The following PROSER2 variants were observed in gnomAD, a reference collection of about 807,000 sequenced individuals.
PROSER2 encodes proline and serine rich 2.
In PROSER2, 18 loss-of-function variants were observed where a neutral mutation model predicts 14.6. The observed-to-expected ratio is 1.23, with a 90% CI of 0.85 to 1.83. The LOEUF (loss-of-function observed/expected upper bound fraction) is 1.83. PROSER2 is among the 40% of genes most tolerant of loss of function. The pLI, the probability that PROSER2 is intolerant of heterozygous loss-of-function variation, is 0.00. For missense variants in PROSER2, 823 were observed against 629.8 expected, an observed-to-expected ratio of 1.31 and a Z score of -3.28; for synonymous variants, 367 against 286.4, an observed-to-expected ratio of 1.28 and a Z score of -2.84.
intron 2 of PROSER2, chr10:11,863,050 T>C (rs765732343): frequency 7.9e-5 from 12 of 152,214 alleles, no homozygotes; most frequent in Non-Finnish European, 1.5e-4. Flanking sequence ...CAGGTACGCA[T>C]TGCTTATCTT....
chr10:11,867,519 G>C (rs1474234473), intron 3 of PROSER2, among the ~76,000 whole-genome samples: 1 of 150,300 alleles, frequency 6.7e-6, no homozygotes, highest in African/African-American at 2.5e-5. Flanking sequence ...AGCTGGTCCA[G>C]AGGCTGAGGC....
At position 11,833,994 on chromosome 10, in the gene PROSER2, T is replaced by C. The variant is rs1206256102; in HGVS notation, c.-82+10524T>C. 3.0e-5 allele frequency among the ~76,000 whole-genome samples: 4 copies of C among 131,646 alleles called. No individual in the cohort carries two copies. The South Asian group carries it at 1.1e-3, about 37-fold the overall frequency. 86.4% of individuals were successfully genotyped at this position (131,646 alleles called of 152,430 possible). ...AGTGAGTAGCTCTTTCTTTTTTTTT[T>C]TTTTTTTTTTTTTTTTTTGAGATAG... On this transcript the variant is annotated intron_variant, in intron 1 of 3. Transcript: ENST00000277570.
intron 1 of PROSER2, among the ~76,000 whole-genome samples, chr10:11,829,978 G>C (rs1235211940): frequency 6.6e-6 from 1 of 151,632 alleles, no homozygotes; most frequent in Admixed American, 6.6e-5. Context: ...GGAGTATCTG[G>C]GACTACAGGC....
chr10:11,840,981 T>TG (rs1483766033), intron 1 of PROSER2, among the ~76,000 whole-genome samples: 33 of 114,170 alleles, frequency 2.9e-4, no homozygotes, highest in African/African-American at 8.9e-4. Context: ...TATATATATA[T>TG]ATATATATAT....
In PROSER2 at chr10:11,852,128, G is replaced by A. The variant is rs763922806; in HGVS notation, c.51G>A (p.Thr17=). The part of the protein sequence containing the change: ...KSDASDMNSD[T]SPSCRLRAFS... Reference sequence around the variant, plus strand: ...ACGCATCTGACATGAACTCAGACACGTCCCCCAGCTGCAGGCTCCGAGCCT... The same window carrying A: ...ACGCATCTGACATGAACTCAGACACATCCCCCAGCTGCAGGCTCCGAGCCT... Residue 17 remains threonine, a synonymous_variant, in exon 2 of 4, where the codon ACG becomes ACA. Transcript: ENST00000277570. 25 of 1,613,562 alleles carry A rather than the reference G, an allele frequency of 1.5e-5. No homozygotes were observed. Among genetic ancestry groups the A allele is most frequent in the African/African-American group, 9.3e-5 (7 of 74,888 alleles).
In PROSER2 at chr10:11,830,772, G is replaced by A. The variant is rs1833680015; in HGVS notation, c.-82+7302G>A. Among the ~76,000 whole-genome samples, 2 of 152,202 alleles carry A rather than the reference G, an allele frequency of 1.3e-5. No individual in the cohort carries two copies. The highest frequency in any genetic ancestry group is 1.3e-4 in the Admixed American group (2 of 15,282). Reference sequence around the variant, plus strand: ...TTGGTGGTCCCCATTGCTTAAAAATGTGCTAAAAACCCCTGCTTTCTCTCT... The same window carrying A: ...TTGGTGGTCCCCATTGCTTAAAAATATGCTAAAAACCCCTGCTTTCTCTCT... On this transcript the variant is annotated intron_variant, in intron 1 of 3. Coordinates refer to ENST00000277570, the MANE Select transcript of PROSER2 (RefSeq NM_153256.4). The surrounding 1 kb of genome is among the most constrained non-coding windows in gnomAD (Gnocchi z 4.5).
Position 11,856,724 on chromosome 10 carries a change from C to T in PROSER2, c.138+4509C>T, listed in dbSNP as rs1239163722. 6.6e-6 allele frequency among the ~76,000 whole-genome samples: 1 copy of T among 152,240 alleles called. No individual in the cohort carries two copies. The highest frequency in any genetic ancestry group is 1.5e-5 in the Non-Finnish European group (1 of 68,048). ...ACCAGGCAGCCGGCAGCTCCTGAGC[C>T]ACCCTGTTGCTCCAGAGCACTTGAC... On this transcript the variant is annotated intron_variant, in intron 2 of 3. Coordinates refer to ENST00000277570, the MANE Select transcript of PROSER2 (RefSeq NM_153256.4). This position sits in a 1 kb window ranked among gnomAD's most constrained non-coding sequence, Gnocchi z 5.3.
Position 11,869,631 on chromosome 10 carries a change from C to T in PROSER2, c.533C>T (p.Pro178Leu), listed in dbSNP as rs1016864668. ...PDPPRRELRA[P>L]SPPVEHPRLL... ...CCCCCCAGGAGGGAGCTGCGCGCCC[C>T]CTCCCCGCCGGTGGAGCACCCCAGA... Residue 178 changes from proline to leucine, a missense_variant, in exon 4 of 4, where the codon CCC becomes CTC. By Grantham distance (98) the Pro-to-Leu change is moderately conservative. Coordinates refer to ENST00000277570, the MANE Select transcript of PROSER2 (RefSeq NM_153256.4). The surrounding 1 kb of genome is among the most constrained non-coding windows in gnomAD (Gnocchi z 4.4). 1.3e-6 allele frequency: 2 copies of T among 1,595,728 alleles called. No homozygotes were observed. Among genetic ancestry groups the T allele is most frequent in the South Asian group, 2.2e-5 (2 of 89,246 alleles).
rs750181845 is a variant in PROSER2, at chr10:11,859,008, C to CAAAAAAAA, written c.138+6810_138+6817dup. On this transcript the variant is annotated intron_variant, in intron 2 of 3. Transcript: ENST00000277570. ...TGGGCAACAAAGCGAGACTCTGTCT[C>CAAAAAAAA]AAAAAAAAAAAAAAAAAAAAAAAAG... 2.0e-4 allele frequency among the ~76,000 whole-genome samples: 12 copies of CAAAAAAAA among 61,148 alleles called. 1 individual carries two copies. The highest frequency in any genetic ancestry group is 3.8e-4 in the Admixed American group (2 of 5,198). 40.1% of individuals were successfully genotyped at this position (61,148 alleles called of 152,430 possible). A position where few individuals can be genotyped will look rare whatever the true frequency, so the allele number is the denominator to read the frequency against.
rs766285175 is a variant in PROSER2 at position 11,866,669 on chromosome 10, T to C, written c.277T>C (p.Ser93Pro). The C allele has an allele frequency of 1.9e-6, 3 of 1,614,002 alleles. No individual in the cohort carries two copies. Among genetic ancestry groups the C allele is most frequent in the African/African-American group, 2.7e-5 (2 of 74,902 alleles). Residue 93 changes from serine to proline, a missense_variant, in exon 3 of 4, where the codon TCT becomes CCT. Ser to Pro is a moderately conservative substitution (Grantham distance 74). Coordinates refer to ENST00000277570, the MANE Select transcript of PROSER2 (RefSeq NM_153256.4). This position sits in a 1 kb window ranked among gnomAD's most constrained non-coding sequence, Gnocchi z 6.0. ...AGGAGTGTGCTGCCTCTGCTCCCCGTCTCTGGAGGAGAGCACCTCCAGTCC... is the reference window on the plus strand; with the variant it reads ...AGGAGTGTGCTGCCTCTGCTCCCCGCCTCTGGAGGAGAGCACCTCCAGTCC... ...DGGVCCLCSP[S>P]LEESTSSPSE...
chr10:11,870,276 AGGACTG>A lies in PROSER2; in HGVS notation c.1180_1185del (p.Asp394_Trp395del), dbSNP rs902953841. On this transcript the variant is annotated inframe_deletion, in exon 4 of 4. Coordinates refer to ENST00000277570, the MANE Select transcript of PROSER2 (RefSeq NM_153256.4). ...GGGCCCCGGCAGCCCAACGGCGCCC[AGGACTG>A]GCGCCGCGCAGACTCCCTGCCCCGG... 11 of 1,491,266 alleles carry A rather than the reference AGGACTG, an allele frequency of 7.4e-6. No individual in the cohort carries two copies. Among genetic ancestry groups the A allele is most frequent in the Admixed American group, 4.5e-5 (2 of 44,380 alleles). 92.4% of individuals were successfully genotyped at this position (1,491,266 alleles called of 1,614,324 possible).
At position 11,870,613 on chromosome 10, in the gene PROSER2, T is replaced by C. The variant is rs1239830293; in HGVS notation, c.*207T>C. On this transcript the variant is annotated 3_prime_UTR_variant, in exon 4 of 4. Coordinates refer to ENST00000277570, the MANE Select transcript of PROSER2 (RefSeq NM_153256.4). ...CTCCAGCCACCGGCACAGAGAACTC[T>C]TCCCTAAAGGAATCTGGCCGAGGGC... The C allele has an allele frequency of 1.3e-5, 6 of 473,884 alleles. No homozygotes were observed. The highest frequency in any genetic ancestry group is 1.9e-5 in the Non-Finnish European group (5 of 262,970). 29.4% of individuals were successfully genotyped at this position (473,884 alleles called of 1,614,324 possible).
At chr10:11,855,761 CACAAA>C (rs1834113027) in intron 2 of PROSER2, among the ~76,000 whole-genome samples, 3 of 152,146 alleles carry the variant, frequency 2.0e-5, no homozygotes, top group African/African-American at 7.2e-5. Context: ...CCTATTTCCA[CACAAA>C]ACAAATACAT....
rs1015665089 is a variant in PROSER2, at chr10:11,838,668, T to C, written c.-81-13329T>C. 1.3e-5 allele frequency among the ~76,000 whole-genome samples: 2 copies of C among 152,230 alleles called. No homozygotes were observed. Among genetic ancestry groups the C allele is most frequent in the Non-Finnish European group, 2.9e-5 (2 of 68,040 alleles). On this transcript the variant is annotated intron_variant, in intron 1 of 3. Coordinates refer to ENST00000277570, the MANE Select transcript of PROSER2 (RefSeq NM_153256.4). The surrounding 1 kb of genome is among the most constrained non-coding windows in gnomAD (Gnocchi z 4.4). ...CCCACATTCTTGCTGACACTTGTTA[T>C]TTTTTGTCTAATTTTTGCCACTCCA...
At chr10:11,839,897 C>G (rs1159832240) in intron 1 of PROSER2, among the ~76,000 whole-genome samples, 1 of 150,324 alleles carries the variant, frequency 6.7e-6, no homozygotes, top group Non-Finnish European at 1.5e-5. Flanking sequence ...TTAATATTTT[C>G]CAGTAAGTAT....
intron 1 of PROSER2, among the ~76,000 whole-genome samples, chr10:11,825,470 G>A (rs1479782772): frequency 1.3e-5 from 2 of 152,214 alleles, no homozygotes; most frequent in South Asian, 4.1e-4. Context: ...TTGCAACTCC[G>A]CCCCTGATTG....
intron 1 of PROSER2, chr10:11,831,820 T>C (rs910214288): frequency 6.6e-5 from 10 of 152,180 alleles, no homozygotes; most frequent in African/African-American, 2.4e-4. Flanking sequence ...CCAGCCTCTC[T>C]AGGTAAGGCG....
chr10:11,869,721 A>G lies in PROSER2; in HGVS notation c.623A>G (p.Asn208Ser). 4 of 1,592,902 alleles carry G rather than the reference A, an allele frequency of 2.5e-6. No homozygotes were observed. The highest frequency in any genetic ancestry group is 2.6e-6 in the Non-Finnish European group (3 of 1,170,746). The change falls in exon 4 of 4, where the codon AAC becomes AGC. Residue 208 changes from asparagine (N) to serine (S), a missense_variant. Asn to Ser is a conservative substitution (Grantham distance 46). Transcript: ENST00000277570. The surrounding 1 kb of genome is among the most constrained non-coding windows in gnomAD (Gnocchi z 4.4). ...AAGATTTCCGAGAGGATGGCGGGGA[A>G]CGAAGCCCTCTCGCCCACCTCCCCG... Reference protein sequence around the residue: ...AQKISERMAGNEALSPTSPFR... With the variant: ...AQKISERMAGSEALSPTSPFR...
In PROSER2 at chr10:11,866,598, T is replaced by C. The variant is rs530031859; in HGVS notation, c.206T>C (p.Ile69Thr). 7 of 1,614,062 alleles carry C rather than the reference T, an allele frequency of 4.3e-6. No individual in the cohort carries two copies. The highest frequency in any genetic ancestry group is 5.9e-6 in the Non-Finnish European group (7 of 1,180,038). Residue 69 changes from isoleucine to threonine, a missense_variant, in exon 3 of 4, where the codon ATT becomes ACT. Physicochemically the swap from Ile to Thr is moderately conservative, Grantham distance 89. Transcript: ENST00000277570. The surrounding 1 kb of genome is among the most constrained non-coding windows in gnomAD (Gnocchi z 6.0). ...KDVLLFFEET[I>T]DSLDEDFEEP... Reference sequence around the variant, plus strand: ...GTGCTCCTGTTTTTTGAAGAGACGATTGACTCCCTAGACGAGGACTTTGAG... The same window carrying C: ...GTGCTCCTGTTTTTTGAAGAGACGACTGACTCCCTAGACGAGGACTTTGAG...
Sources: allele counts gnomAD v4.1 joint callset (sites outside exome capture counted in the v4.1 genomes callset), GRCh38; gene constraint gnomAD v4.1.1; non-coding constraint Gnocchi (gnomAD v3.1); transcripts MANE v1.5; gene names NCBI Gene and HGNC (gene_info 2026-07-23, HGNC 2026-07-21).